MBD5: variants seen among roughly 807,000 people sequenced by gnomAD.
The protein encoded by MBD5 is methyl-CpG-binding domain protein 5.
Under a neutral mutation model 117.3 loss-of-function variants are expected in MBD5, and 13 were observed. The observed-to-expected ratio is 0.11, with a 90% CI of 0.07 to 0.18. MBD5 has a LOEUF of 0.18. Ranked by LOEUF, MBD5 falls within the 10% of genes least tolerant of loss-of-function variation. The pLI, the probability that MBD5 is intolerant of heterozygous loss-of-function variation, is 1.00. For missense variants in MBD5, 1,879 were observed against 2,093.8 expected (o/e 0.90, Z 2.00); for synonymous variants, 727 against 766.4 (o/e 0.95, Z 0.85).
chr2:148,501,047 G>A (rs1316110307), intron 11 of MBD5, among the ~76,000 whole-genome samples: 2 of 152,096 alleles, frequency 1.3e-5, no homozygotes, highest in Non-Finnish European at 2.9e-5. Context: ...CAGTGAGTTG[G>A]GTATGTATGA....
At chr2:148,433,927 A>AT (rs1706072277) in intron 4 of MBD5, among the ~76,000 whole-genome samples, 1 of 125,350 alleles carries the variant, frequency 8.0e-6, no homozygotes, top group African/African-American at 3.3e-5. Flanking sequence ...GTTTGTTTTC[A>AT]TTTTTCTTTT....
intron 4 of MBD5, among the ~76,000 whole-genome samples, chr2:148,404,666 G>T (rs1477760403): frequency 6.6e-6 from 1 of 152,136 alleles, no homozygotes; most frequent in East Asian, 1.9e-4. Flanking sequence ...CACTTCATTT[G>T]TTTACTATTT....
intron 1 of MBD5, among the ~76,000 whole-genome samples, chr2:148,140,518 A>G (rs1416831125): frequency 6.6e-6 from 1 of 152,180 alleles, no homozygotes; most frequent in Non-Finnish European, 1.5e-5. Context: ...GAAATTACTC[A>G]AATACTGTTT....
chr2:148,222,444 G>A (rs930597870), intron 2 of MBD5, among the ~76,000 whole-genome samples: 1 of 151,900 alleles, frequency 6.6e-6, no homozygotes, highest in African/African-American at 2.4e-5. Context: ...TCTTTCATCA[G>A]TATTTTATAA....
chr2:148,148,299 T>C (rs560768019), intron 1 of MBD5, among the ~76,000 whole-genome samples: 1 of 152,276 alleles, frequency 6.6e-6, no homozygotes, highest in South Asian at 2.1e-4. Context: ...TCTAACCTCT[T>C]AGTGACTGCT....
At chr2:148,265,843 A>T (rs114537151) in intron 3 of MBD5, among the ~76,000 whole-genome samples, 1,950 of 152,200 alleles carry the variant, frequency 0.013, 36 homozygotes, top group African/African-American at 0.044. Flanking sequence ...ATTTCTGGAG[A>T]TAGACAAGCT....
intron 1 of MBD5, among the ~76,000 whole-genome samples, chr2:148,143,083 A>G (rs1697357258): frequency 6.6e-6 from 1 of 152,216 alleles, no homozygotes; most frequent in Admixed American, 6.5e-5. Flanking sequence ...ATGAGAAGTC[A>G]ACCAATAGGG....
At chr2:148,366,891 G>A (rs1703718732) in intron 4 of MBD5, among the ~76,000 whole-genome samples, 1 of 152,044 alleles carries the variant, frequency 6.6e-6, no homozygotes, top group Non-Finnish European at 1.5e-5. Context: ...TGTGAAAATG[G>A]GCCATAGTAT....
At chr2:148,084,619 G>C (rs1193871039) in intron 1 of MBD5, among the ~76,000 whole-genome samples, 1 of 152,060 alleles carries the variant, frequency 6.6e-6, no homozygotes. Flanking sequence ...TAATTAATCT[G>C]CAGTATGTGA....
intron 4 of MBD5, among the ~76,000 whole-genome samples, chr2:148,355,837 G>T (rs1470577001): frequency 6.6e-6 from 1 of 152,158 alleles, no homozygotes; most frequent in Non-Finnish European, 1.5e-5. Context: ...GTAGCTTGGT[G>T]GGAATAGCAT....
intron 1 of MBD5, among the ~76,000 whole-genome samples, chr2:148,029,683 G>T (rs1366604392): frequency 1.3e-5 from 2 of 152,136 alleles, no homozygotes; most frequent in African/African-American, 2.4e-5. Flanking sequence ...AAAAGGATTT[G>T]AATTTTATGT....
At chr2:148,440,758 G>A (rs901218069) in intron 4 of MBD5, among the ~76,000 whole-genome samples, 3 of 152,184 alleles carry the variant, frequency 2.0e-5, no homozygotes, top group Non-Finnish European at 1.5e-5. Context: ...TAACATACAT[G>A]TAACACATGT....
intron 8 of MBD5, among the ~76,000 whole-genome samples, chr2:148,481,297 G>A (rs1018502694): frequency 6.6e-6 from 1 of 151,942 alleles, no homozygotes; most frequent in Non-Finnish European, 1.5e-5. Flanking sequence ...TATCAGAAAG[G>A]AAAAATCCTT....
At chr2:148,478,445 T>G (rs765925200) in intron 8 of MBD5, among the ~76,000 whole-genome samples, 3 of 151,998 alleles carry the variant, frequency 2.0e-5, no homozygotes, top group African/African-American at 7.2e-5. Flanking sequence ...TAGCCGGGCG[T>G]GCCTCAGGAG....
intron 3 of MBD5, among the ~76,000 whole-genome samples, chr2:148,288,595 T>C (rs1222900785): frequency 6.6e-6 from 1 of 151,746 alleles, no homozygotes; most frequent in Non-Finnish European, 1.5e-5. Flanking sequence ...CATTATATTA[T>C]AATAGATGCT....
chr2:148,132,894 A>G (rs1323560469), intron 1 of MBD5, among the ~76,000 whole-genome samples: 1 of 152,166 alleles, frequency 6.6e-6, no homozygotes, highest in African/African-American at 2.4e-5. Flanking sequence ...ACATGCATGT[A>G]TTTTCATAAG....
intron 4 of MBD5, among the ~76,000 whole-genome samples, chr2:148,360,131 T>G (rs1444041834): frequency 6.6e-6 from 1 of 152,100 alleles, no homozygotes; most frequent in Middle Eastern, 3.2e-3. Flanking sequence ...GCAAATGCAG[T>G]GTGCATTTTT....
At chr2:148,096,947 G>A (rs527795214) in intron 1 of MBD5, among the ~76,000 whole-genome samples, 1 of 152,168 alleles carries the variant, frequency 6.6e-6, no homozygotes, top group South Asian at 2.1e-4. Context: ...GAAATATGGG[G>A]GAAGTTATTC....
intron 1 of MBD5, among the ~76,000 whole-genome samples, chr2:148,106,979 A>G (rs1316360976): frequency 2.6e-5 from 4 of 151,828 alleles, no homozygotes; most frequent in African/African-American, 9.7e-5. Context: ...CAGATCTTCT[A>G]TCTGTTATTA....
Sources: gnomAD v4.1 joint callset for allele counts (sites outside exome capture counted in the v4.1 genomes callset) on GRCh38, gnomAD v4.1.1 for gene constraint, MANE v1.5 for transcripts, NCBI Gene and HGNC (gene_info 2026-07-23, HGNC 2026-07-21) for gene names.